Variants in STPG2 observed in about 807,000 individuals in gnomAD.
The protein encoded by STPG2 is sperm-tail PG-rich repeat-containing protein 2.
A neutral mutation model predicts 54.2 loss-of-function variants in STPG2; 56 were observed. The observed-to-expected ratio is 1.03, with a 90% CI of 0.83 to 1.29. The LOEUF is 1.29. Ranked by LOEUF, STPG2 falls within the 50% of genes most tolerant of loss-of-function variation. STPG2 has a pLI of 0.00. For missense variants in STPG2, 596 were observed against 544.9 expected (o/e 1.09, Z -0.93); for synonymous variants, 200 against 181.8 (o/e 1.10, Z -0.81).
intron 4 of STPG2, among the ~76,000 whole-genome samples, chr4:97,482,552 C>A (rs1239073164): frequency 6.6e-6 from 1 of 151,446 alleles, no homozygotes; most frequent in African/African-American, 2.4e-5. Flanking sequence ...TCCAAGAAGT[C>A]TGGGATATGT....
intron 9 of STPG2, among the ~76,000 whole-genome samples, chr4:97,763,635 T>C (rs1359484482): frequency 6.6e-6 from 1 of 152,088 alleles, no homozygotes; most frequent in Non-Finnish European, 1.5e-5. Flanking sequence ...ACAATTTATT[T>C]TGGGGTCTTG....
intron 10 of STPG2, among the ~76,000 whole-genome samples, chr4:97,599,732 G>C (rs1733405618): frequency 6.6e-6 from 1 of 151,646 alleles, no homozygotes; most frequent in African/African-American, 2.4e-5. Flanking sequence ...GCTGAGGCAG[G>C]AGAATGGCGT....
At chr4:98,029,056 T>C (rs1736514422) in intron 5 of STPG2, among the ~76,000 whole-genome samples, 1 of 152,162 alleles carries the variant, frequency 6.6e-6, no homozygotes, top group Non-Finnish European at 1.5e-5. Flanking sequence ...ATATTTTCTA[T>C]TATTTCAATA....
intron 4 of STPG2, among the ~76,000 whole-genome samples, chr4:97,469,461 T>C (rs1186683957): frequency 6.6e-6 from 1 of 151,990 alleles, no homozygotes; most frequent in African/African-American, 2.4e-5. Flanking sequence ...GGTAGTAATG[T>C]AGAAGAAGGA....
At chr4:97,976,362 A>G (rs1361877823) in intron 6 of STPG2, among the ~76,000 whole-genome samples, 1 of 152,200 alleles carries the variant, frequency 6.6e-6, no homozygotes, top group African/African-American at 2.4e-5. Flanking sequence ...AGCATAACAT[A>G]GCACTTTGCA....
intron 9 of STPG2, among the ~76,000 whole-genome samples, chr4:97,797,421 C>A (rs1436641385): frequency 6.6e-6 from 1 of 152,112 alleles, no homozygotes; most frequent in African/African-American, 2.4e-5. Flanking sequence ...TTGTCAAAGG[C>A]CTTTTCTGCA....
chr4:97,846,468 T>C (rs1220723607), intron 8 of STPG2, among the ~76,000 whole-genome samples: 1 of 151,292 alleles, frequency 6.6e-6, no homozygotes, highest in Non-Finnish European at 1.5e-5. Flanking sequence ...CTACTAAAAA[T>C]ACAAAAATTA....
intron 3 of STPG2, among the ~76,000 whole-genome samples, chr4:98,119,576 T>C (rs1007009848): frequency 2.0e-5 from 3 of 152,140 alleles, no homozygotes; most frequent in South Asian, 2.1e-4. Context: ...CTGATTTTGA[T>C]AACTGCATTA....
At chr4:97,889,406 T>C (rs1730687346) in intron 8 of STPG2, among the ~76,000 whole-genome samples, 1 of 152,168 alleles carries the variant, frequency 6.6e-6, no homozygotes, top group Admixed American at 6.5e-5. Context: ...AGTCAAGATA[T>C]GGAATAAACC....
At chr4:97,846,638 A>AC (rs1286257310) in intron 8 of STPG2, among the ~76,000 whole-genome samples, 2 of 151,376 alleles carry the variant, frequency 1.3e-5, no homozygotes, top group African/African-American at 4.8e-5. Context: ...AAAAAAAAAA[A>AC]AAAAAAAACA....
intron 5 of STPG2, among the ~76,000 whole-genome samples, chr4:98,085,489 T>A (rs917186551): frequency 1.3e-5 from 2 of 152,092 alleles, no homozygotes; most frequent in African/African-American, 2.4e-5. Flanking sequence ...ATAACTGACA[T>A]CTTAATAGTA....
intron 5 of STPG2, among the ~76,000 whole-genome samples, chr4:98,093,398 CATTG>C (rs1337576014): frequency 6.6e-6 from 1 of 151,994 alleles, no homozygotes; most frequent in Non-Finnish European, 1.5e-5. Flanking sequence ...AAAAAACTCA[CATTG>C]ATTAAAATAT....
At chr4:97,552,957 G>T (rs899839031) in intron 4 of STPG2, among the ~76,000 whole-genome samples, 10 of 152,140 alleles carry the variant, frequency 6.6e-5, no homozygotes, top group Admixed American at 1.3e-4. Context: ...CAGATTGGTA[G>T]TCTTAACACT....
chr4:97,886,806 G>A (rs898314487), intron 8 of STPG2, among the ~76,000 whole-genome samples: 3 of 152,192 alleles, frequency 2.0e-5, no homozygotes, highest in African/African-American at 7.2e-5. Flanking sequence ...GGGGTCTGGT[G>A]GAAGGTGATT....
intron 4 of STPG2, among the ~76,000 whole-genome samples, chr4:97,504,938 A>C (rs1468064817): frequency 1.3e-5 from 2 of 152,024 alleles, no homozygotes; most frequent in Admixed American, 6.6e-5. Flanking sequence ...AGGCAAGCTC[A>C]ACATTTGTAG....
intron 4 of STPG2, among the ~76,000 whole-genome samples, chr4:97,450,571 G>T (rs893308213): frequency 6.6e-6 from 1 of 152,144 alleles, no homozygotes; most frequent in African/African-American, 2.4e-5. Flanking sequence ...ATCAGGCAAC[G>T]GTGGGGAATA....
chr4:98,074,736 T>C (rs894581168), intron 5 of STPG2, among the ~76,000 whole-genome samples: 1 of 152,204 alleles, frequency 6.6e-6, no homozygotes, highest in Admixed American at 6.5e-5. Context: ...AAACCACCAA[T>C]GGCATTCTTC....
intron 10 of STPG2, among the ~76,000 whole-genome samples, chr4:97,602,633 G>A (rs1351179121): frequency 6.6e-6 from 1 of 151,670 alleles, no homozygotes; most frequent in East Asian, 1.9e-4. Flanking sequence ...TATTAAAAAT[G>A]TATGTTGAGT....
chr4:98,072,209 C>A (rs945444286), intron 5 of STPG2, among the ~76,000 whole-genome samples: 2 of 152,134 alleles, frequency 1.3e-5, no homozygotes, highest in Non-Finnish European at 2.9e-5. Flanking sequence ...TACATATATA[C>A]CACAGAATAC....
Sources: allele counts gnomAD v4.1 joint callset (sites outside exome capture counted in the v4.1 genomes callset), GRCh38; gene constraint gnomAD v4.1.1; transcripts MANE v1.5; gene names NCBI Gene and HGNC (gene_info 2026-07-23, HGNC 2026-07-21).